ADIPOR2: variants seen among roughly 807,000 people sequenced by gnomAD.
The protein encoded by ADIPOR2 is adiponectin receptor 2, also known as adiponectin receptor protein 2.
ADIPOR2 carries 18 observed loss-of-function variants against 40.9 expected under a neutral mutation model. The observed-to-expected ratio is 0.44, with a 90% CI of 0.30 to 0.65. ADIPOR2 has a LOEUF of 0.65. ADIPOR2 is among the 30% of genes least tolerant of loss of function. The probability of loss-of-function intolerance (pLI) is 0.09; values close to 1 mark genes in which losing one functional copy is unlikely to be tolerated. For missense variants in ADIPOR2, 283 were observed against 479.2 expected, an observed-to-expected ratio of 0.59 and a Z score of 3.82; for synonymous variants, 165 against 166.4, an observed-to-expected ratio of 0.99 and a Z score of 0.06.
chr12:1,698,206 TTGTGTGTGTGTGTGTG>T (rs35927419), intron 1 of ADIPOR2, among the ~76,000 whole-genome samples: 7 of 148,102 alleles, frequency 4.7e-5, no homozygotes, highest in South Asian at 2.2e-4. Flanking sequence ...TCTTGGCTGA[TTGTGTGTGTGTGTGTG>T]TGTGTGTGTG....
chr12:1,712,654 G>C (rs1212439087), intron 1 of ADIPOR2, among the ~76,000 whole-genome samples: 2 of 152,100 alleles, frequency 1.3e-5, no homozygotes, highest in Non-Finnish European at 2.9e-5. Flanking sequence ...TTCTGCCTCT[G>C]GTTCCCATTC....
intron 1 of ADIPOR2, among the ~76,000 whole-genome samples, chr12:1,721,375 CT>C (rs1157366274): frequency 6.6e-6 from 1 of 152,018 alleles, no homozygotes; most frequent in Non-Finnish European, 1.5e-5. Context: ...GCCACCACAC[CT>C]GGCTAATTCT....
chr12:1,751,251 G>A (rs1162099611), intron 1 of ADIPOR2, among the ~76,000 whole-genome samples: 2 of 152,006 alleles, frequency 1.3e-5, no homozygotes, highest in Non-Finnish European at 2.9e-5. Context: ...TTTCTGTAGA[G>A]TGGCCAATAT....
intron 1 of ADIPOR2, among the ~76,000 whole-genome samples, chr12:1,708,714 A>G: frequency 6.6e-6 from 1 of 150,694 alleles, no homozygotes; most frequent in Non-Finnish European, 1.5e-5. Flanking sequence ...ATTGATTTGT[A>G]TACCTATACT....
chr12:1,713,925 T>C (rs1452101356), intron 1 of ADIPOR2, among the ~76,000 whole-genome samples: 3 of 151,960 alleles, frequency 2.0e-5, no homozygotes, highest in Admixed American at 1.3e-4. Context: ...CAGGAGGAAG[T>C]CAATTTCCTG....
At chr12:1,717,557 T>C (rs2094690124) in intron 1 of ADIPOR2, among the ~76,000 whole-genome samples, 1 of 151,902 alleles carries the variant, frequency 6.6e-6, no homozygotes, top group Non-Finnish European at 1.5e-5. Context: ...AATACAAAAT[T>C]AGCCAGGCGT....
chr12:1,703,069 A>G (rs2154441452), intron 1 of ADIPOR2: 1 of 152,350 alleles, frequency 6.6e-6, no homozygotes, highest in East Asian at 1.9e-4. Flanking sequence ...TTTGTGTACA[A>G]AGATGCTCTC....
chr12:1,710,083 C>A (rs2094673133), intron 1 of ADIPOR2, among the ~76,000 whole-genome samples: 1 of 152,204 alleles, frequency 6.6e-6, no homozygotes, highest in Admixed American at 6.5e-5. Context: ...TAAAAATGCA[C>A]CAGTCAGTGC....
At chr12:1,774,473 A>C (rs565849795) in intron 3 of ADIPOR2, among the ~76,000 whole-genome samples, 1 of 152,310 alleles carries the variant, frequency 6.6e-6, no homozygotes, top group East Asian at 1.9e-4. Flanking sequence ...ATGGCAGTGC[A>C]ACTGACCACA....
At chr12:1,706,415 T>C (rs1006761360) in intron 1 of ADIPOR2, among the ~76,000 whole-genome samples, 2 of 152,204 alleles carry the variant, frequency 1.3e-5, no homozygotes, top group Admixed American at 6.5e-5. Flanking sequence ...AGAATTGTTA[T>C]GAATTAGTCC....
At chr12:1,757,770 G>T in intron 2 of ADIPOR2, 4 of 1,089,380 alleles carry the variant, frequency 3.7e-6, no homozygotes, top group Non-Finnish European at 5.7e-6. Context: ...ATCCAGCAGG[G>T]TAGGTTATAT....
At chr12:1,751,115 G>T (rs1458522361) in intron 1 of ADIPOR2, among the ~76,000 whole-genome samples, 1 of 151,384 alleles carries the variant, frequency 6.6e-6, no homozygotes, top group East Asian at 1.9e-4. Flanking sequence ...GTAAATTTCA[G>T]TTCTCTAGTG....
chr12:1,779,526 G>A (rs1474829673), intron 4 of ADIPOR2, among the ~76,000 whole-genome samples: 1 of 150,438 alleles, frequency 6.6e-6, no homozygotes, highest in Non-Finnish European at 1.5e-5. Flanking sequence ...TGGGGAATGG[G>A]GGATGACAGC....
intron 1 of ADIPOR2, among the ~76,000 whole-genome samples, chr12:1,739,130 T>C (rs896786985): frequency 6.6e-6 from 1 of 152,214 alleles, no homozygotes; most frequent in African/African-American, 2.4e-5. Context: ...ATGAATTCTT[T>C]CAGAAGACAG....
intron 1 of ADIPOR2, among the ~76,000 whole-genome samples, chr12:1,695,023 T>TTG (rs1555164943): frequency 1.8e-4 from 23 of 128,710 alleles, no homozygotes; most frequent in African/African-American, 5.6e-4. Flanking sequence ...TTTTTTTTTT[T>TTG]TTTTGTTTTG....
intron 6 of ADIPOR2, among the ~76,000 whole-genome samples, chr12:1,782,976 C>CTTTTTTTTTTTTTTTT (rs71055199): frequency 2.7e-5 from 3 of 109,758 alleles, no homozygotes; most frequent in African/African-American, 3.7e-5. Context: ...TTCTTTCTTT[C>CTTTTTTTTTTTTTTTT]TTTTTTTTTT....
intron 1 of ADIPOR2, among the ~76,000 whole-genome samples, chr12:1,713,634 A>G (rs538935161): frequency 6.6e-6 from 1 of 152,170 alleles, no homozygotes; most frequent in South Asian, 2.1e-4. Flanking sequence ...ATTCATGTAG[A>G]TAATAGCTCC....
intron 2 of ADIPOR2, among the ~76,000 whole-genome samples, chr12:1,761,657 T>C (rs1214848289): frequency 6.6e-6 from 1 of 152,226 alleles, no homozygotes; most frequent in Non-Finnish European, 1.5e-5. Context: ...ATTAACCTCT[T>C]TGAGGAATTT....
intron 1 of ADIPOR2, among the ~76,000 whole-genome samples, chr12:1,729,418 G>A (rs2094714919): frequency 6.6e-6 from 1 of 151,186 alleles, no homozygotes; most frequent in Non-Finnish European, 1.5e-5. Context: ...CCATAGGAAG[G>A]GATATATCTT....
Sources: gnomAD v4.1 joint callset for allele counts (sites outside exome capture counted in the v4.1 genomes callset) on GRCh38, gnomAD v4.1.1 for gene constraint, MANE v1.5 for transcripts, NCBI Gene and HGNC (gene_info 2026-07-23, HGNC 2026-07-21) for gene names.